The following NCKAP5 variants were observed in gnomAD, a reference collection of about 807,000 sequenced individuals.
NCKAP5 encodes the protein nck-associated protein 5.
In NCKAP5, 92 loss-of-function variants were observed where a neutral mutation model predicts 167.0. That is an observed-to-expected ratio of 0.55 (90% CI 0.47 to 0.66). NCKAP5 has a LOEUF of 0.66. Among genes scored for constraint, NCKAP5 ranks in the 30% least tolerant of loss-of-function variants. The probability of loss-of-function intolerance (pLI) is 0.00; values close to 1 mark genes in which losing one functional copy is unlikely to be tolerated. For synonymous variants in NCKAP5, 891 were observed against 877.4 expected, an observed-to-expected ratio of 1.02 and a Z score of -0.27; for missense variants, 2,378 against 2,315.0, an observed-to-expected ratio of 1.03 and a Z score of -0.56.
At chr2:133,562,257 A>T (rs1688211565) in intron 1 of NCKAP5, among the ~76,000 whole-genome samples, 1 of 152,092 alleles carries the variant, frequency 6.6e-6, no homozygotes, top group East Asian at 1.9e-4. Flanking sequence ...ACACATACTC[A>T]ATGTTTATAT....
At chr2:133,036,790 T>C (rs1559074447) in intron 6 of NCKAP5, among the ~76,000 whole-genome samples, 1 of 152,048 alleles carries the variant, frequency 6.6e-6, no homozygotes, top group Non-Finnish European at 1.5e-5. Flanking sequence ...ACCGCTGTTA[T>C]TCACCATAGT....
intron 5 of NCKAP5, among the ~76,000 whole-genome samples, chr2:133,157,089 C>T (rs2083602089): frequency 6.6e-6 from 1 of 152,202 alleles, no homozygotes; most frequent in Admixed American, 6.5e-5. Flanking sequence ...CAACACAATG[C>T]CAACCCACAA....
intron 6 of NCKAP5, among the ~76,000 whole-genome samples, chr2:133,108,268 G>A (rs564524403): frequency 7.9e-5 from 12 of 152,230 alleles, no homozygotes; most frequent in Admixed American, 3.3e-4. Flanking sequence ...AGATAAGGAC[G>A]GATAAGCACT....
At position 133,181,603 on chromosome 2, in the gene NCKAP5, CAA is replaced by C. The variant is rs34264277; in HGVS notation, c.207+32111_207+32112del. On this transcript the variant is annotated intron_variant, in intron 5 of 19. Transcript: ENST00000409261. Reference sequence around the variant, plus strand: ...GCAACATGGTAAATCCCCATCTCTACAAAAAAAAAAAAAAAAAAAAAAAAATT... The same window carrying C: ...GCAACATGGTAAATCCCCATCTCTACAAAAAAAAAAAAAAAAAAAAAAATT... 2.6e-3 allele frequency among the ~76,000 whole-genome samples: 187 copies of C among 71,140 alleles called. 1 individual carries two copies. Among genetic ancestry groups the C allele is most frequent in the Middle Eastern group, 0.01 (1 of 96 alleles). The allele number at this position is 71,140 out of a possible 152,430, so 46.7% of individuals were successfully genotyped here. A position where few individuals can be genotyped will look rare whatever the true frequency, so the allele number is the denominator to read the frequency against.
chr2:132,718,292 C>G (rs1345019667), intron 19 of NCKAP5, among the ~76,000 whole-genome samples: 1 of 152,162 alleles, frequency 6.6e-6, no homozygotes, highest in Non-Finnish European at 1.5e-5. Flanking sequence ...AATGTGCTAC[C>G]CATCTACTAC....
intron 1 of NCKAP5, among the ~76,000 whole-genome samples, chr2:133,567,656 C>CCTCT (rs749399031): frequency 2.8e-5 from 2 of 72,434 alleles, no homozygotes; most frequent in African/African-American, 6.3e-5. Context: ...GATGAATGAG[C>CCTCT]CTGTGTGTGT....
At chr2:133,513,110 A>T (rs903436439) in intron 3 of NCKAP5, among the ~76,000 whole-genome samples, 1 of 152,204 alleles carries the variant, frequency 6.6e-6, no homozygotes, top group Non-Finnish European at 1.5e-5. Flanking sequence ...AGAGTTTGGT[A>T]AAGGGACTGT....
At chr2:132,945,911 T>C (rs1053603597) in intron 8 of NCKAP5, among the ~76,000 whole-genome samples, 2 of 152,176 alleles carry the variant, frequency 1.3e-5, no homozygotes, top group Non-Finnish European at 2.9e-5. Context: ...TACGAAAATG[T>C]CAAAACACTA....
chr2:132,955,997 G>T (rs946194474), intron 8 of NCKAP5, among the ~76,000 whole-genome samples: 1 of 152,056 alleles, frequency 6.6e-6, no homozygotes, highest in Non-Finnish European at 1.5e-5. Context: ...AGAGGCTATG[G>T]GGGTGTGAGA....
chr2:133,278,798 A>C (rs915802122), intron 4 of NCKAP5, among the ~76,000 whole-genome samples: 5 of 151,772 alleles, frequency 3.3e-5, no homozygotes, highest in African/African-American at 9.7e-5. Flanking sequence ...AAAAAAAAAA[A>C]ACCCTCTTAA....
intron 11 of NCKAP5, among the ~76,000 whole-genome samples, chr2:132,827,299 T>C (rs539488630): frequency 6.6e-6 from 1 of 152,334 alleles, no homozygotes; most frequent in African/African-American, 2.4e-5. Flanking sequence ...CCCTTTTAAA[T>C]GGATAATCCA....
chr2:133,457,962 A>G (rs1273063797), intron 3 of NCKAP5, among the ~76,000 whole-genome samples: 1 of 152,114 alleles, frequency 6.6e-6, no homozygotes, highest in Admixed American at 6.6e-5. Flanking sequence ...CCACCACTTT[A>G]TGTGATTCAG....
intron 3 of NCKAP5, among the ~76,000 whole-genome samples, chr2:133,420,126 T>C (rs1043221330): frequency 6.6e-6 from 1 of 152,226 alleles, no homozygotes; most frequent in African/African-American, 2.4e-5. Context: ...TTTAAGACAC[T>C]ATTAAAAAGA....
At chr2:133,040,652 A>T (rs1573837481) in intron 6 of NCKAP5, among the ~76,000 whole-genome samples, 1 of 152,340 alleles carries the variant, frequency 6.6e-6, no homozygotes, top group Middle Eastern at 3.4e-3. Context: ...TGTTTTCAAA[A>T]ATGAGAGGAA....
chr2:132,858,247 A>T (rs958257662), intron 11 of NCKAP5, among the ~76,000 whole-genome samples: 4 of 152,160 alleles, frequency 2.6e-5, no homozygotes, highest in Non-Finnish European at 5.9e-5. Context: ...CACCCACCAC[A>T]TCCTCAGACA....
chr2:133,554,333 G>C (rs935403209), intron 2 of NCKAP5: 2 of 152,170 alleles, frequency 1.3e-5, no homozygotes, highest in Admixed American at 6.5e-5. Flanking sequence ...CCTCACTTGG[G>C]GAGGGAATCG....
the NCKAP5 span, among the ~76,000 whole-genome samples, chr2:133,629,552 A>G: frequency 1.9e-4 from 29 of 152,220 alleles, no homozygotes; most frequent in Admixed American, 1.9e-3. Flanking sequence ...TAGTTCAACC[A>G]GCATGGAAGA....
chr2:132,774,902 G>T (rs1682417409), intron 15 of NCKAP5, among the ~76,000 whole-genome samples: 1 of 152,190 alleles, frequency 6.6e-6, no homozygotes, highest in Non-Finnish European at 1.5e-5. Context: ...TGGTGGCACT[G>T]GGATTTAAAC....
intron 3 of NCKAP5, among the ~76,000 whole-genome samples, chr2:133,327,706 A>C (rs1371994639): frequency 6.6e-6 from 1 of 152,182 alleles, no homozygotes; most frequent in East Asian, 1.9e-4. Context: ...TAAAATTCTT[A>C]GGATCTTTGT....
Sources: allele counts gnomAD v4.1 joint callset (sites outside exome capture counted in the v4.1 genomes callset), GRCh38; gene constraint gnomAD v4.1.1; transcripts MANE v1.5; gene names NCBI Gene and HGNC (gene_info 2026-07-23, HGNC 2026-07-21).